The following ELP4 variants were observed in gnomAD, a reference collection of about 807,000 sequenced individuals.
ELP4 encodes elongator acetyltransferase complex subunit 4, also known as elongator complex protein 4.
Under a neutral mutation model 48.9 loss-of-function variants are expected in ELP4, and 51 were observed. The observed-to-expected ratio is 1.04, with a 90% CI of 0.83 to 1.32. The LOEUF is 1.32. Among genes scored for constraint, ELP4 ranks in the 40% most tolerant of loss-of-function variants. The pLI is 0.00. For missense variants in ELP4, 519 were observed against 514.6 expected (o/e 1.01, Z -0.08); for synonymous variants, 210 against 189.2 (o/e 1.11, Z -0.90).
chr11:31,669,520 C>T (rs907679274), intron 9 of ELP4, among the ~76,000 whole-genome samples: 1 of 152,132 alleles, frequency 6.6e-6, no homozygotes, highest in African/African-American at 2.4e-5. Flanking sequence ...GATAGCCTAC[C>T]TCTGTGCTCC....
intron 9 of ELP4, among the ~76,000 whole-genome samples, chr11:31,695,824 G>A (rs180864526): frequency 0.92 from 106,072 of 114,722 alleles, 49,730 homozygotes; most frequent in Non-Finnish European, 1. Context: ...GTAAGCTATT[G>A]ATTATTGCCT....
chr11:31,520,889 T>C (rs1283728887), intron 2 of ELP4, among the ~76,000 whole-genome samples: 2 of 152,096 alleles, frequency 1.3e-5, no homozygotes, highest in Non-Finnish European at 2.9e-5. Flanking sequence ...CACCTTCTAG[T>C]CTGGCATTCA....
chr11:31,608,656 G>A (rs1487049957), intron 5 of ELP4, among the ~76,000 whole-genome samples: 2 of 151,920 alleles, frequency 1.3e-5, no homozygotes, highest in Admixed American at 1.3e-4. Flanking sequence ...CGGTGGGCAG[G>A]AAGAGGTGAT....
intron 9 of ELP4, among the ~76,000 whole-genome samples, chr11:31,746,307 A>G (rs1430684253): frequency 6.6e-6 from 1 of 152,216 alleles, no homozygotes; most frequent in Non-Finnish European, 1.5e-5. Context: ...AAACTAGTTC[A>G]ACCATTGTGG....
chr11:31,551,757 C>A (rs1416041733), intron 3 of ELP4, among the ~76,000 whole-genome samples: 1 of 152,110 alleles, frequency 6.6e-6, no homozygotes, highest in Non-Finnish European at 1.5e-5. Flanking sequence ...TTAGTAAATT[C>A]ATGTTCAAGT....
chr11:31,511,190 C>T (rs1955995422), intron 1 of ELP4: 1 of 152,116 alleles, frequency 6.6e-6, no homozygotes, highest in Non-Finnish European at 1.5e-5. Context: ...TCCTGAGTTG[C>T]ATGGTACTGT....
rs1592351883 is a variant in ELP4, at chr11:31,790,091, G to A, written c.*6567G>A. 13 of 177,760 alleles carry A rather than the reference G, an allele frequency of 7.3e-5. No individual in the cohort carries two copies. The highest frequency in any genetic ancestry group is 6.2e-4 in the South Asian group (11 of 17,832). 11.0% of individuals were successfully genotyped at this position (177,760 alleles called of 1,614,324 possible). On this transcript the variant is annotated 3_prime_UTR_variant, in exon 10 of 10. Transcript: ENST00000640961. Reference sequence around the variant, plus strand: ...AACAGACATGGAATACAAATTTATAGGTTTACAAAAAAAAAAAAAAAAAAA... The same window carrying A: ...AACAGACATGGAATACAAATTTATAAGTTTACAAAAAAAAAAAAAAAAAAA...
At chr11:31,720,500 A>G (rs546108963) in intron 9 of ELP4, among the ~76,000 whole-genome samples, 3 of 138,630 alleles carry the variant, frequency 2.2e-5, no homozygotes, top group Non-Finnish European at 4.7e-5. Context: ...TAGTAAGGCC[A>G]AAAAAAAAAT....
Position 31,591,696 on chromosome 11 carries a change from G to C in ELP4, c.382-3074G>C, listed in dbSNP as rs1475204008. Among the ~76,000 whole-genome samples, 3 of 152,218 alleles carry C rather than the reference G, an allele frequency of 2.0e-5. No homozygotes were observed. The East Asian group carries it at 5.8e-4, about 29-fold the overall frequency. On this transcript the variant is annotated intron_variant, in intron 3 of 9. Coordinates refer to ENST00000640961, the MANE Select transcript of ELP4 (RefSeq NM_019040.5). ...GTGCAGCCACTGTAGAAAACATTTTGGCAGTTCCTCAAATAGTTAAAAATG... is the reference window on the plus strand; with the variant it reads ...GTGCAGCCACTGTAGAAAACATTTTCGCAGTTCCTCAAATAGTTAAAAATG...
chr11:31,773,572 C>A (rs1948190172), intron 9 of ELP4, among the ~76,000 whole-genome samples: 1 of 152,180 alleles, frequency 6.6e-6, no homozygotes, highest in Non-Finnish European at 1.5e-5. Context: ...GACACAGAAG[C>A]AGAGGTTTGG....
At position 31,675,489 on chromosome 11, in the gene ELP4, G is replaced by T. The variant is rs1945903777; in HGVS notation, c.1143+25268G>T. Among the ~76,000 whole-genome samples, 7 of 152,176 alleles carry T rather than the reference G, an allele frequency of 4.6e-5. No homozygotes were observed. The South Asian group carries it at 1.5e-3, about 32-fold the overall frequency. On this transcript the variant is annotated intron_variant, in intron 9 of 9. Transcript: ENST00000640961. ...ATGTTGAGGCTGGTCTCGAACTCCTGACCTCAGGTGATCCGCCCGCCTCGG... is the reference window on the plus strand; with the variant it reads ...ATGTTGAGGCTGGTCTCGAACTCCTTACCTCAGGTGATCCGCCCGCCTCGG...
At chr11:31,616,228 G>T (rs151272640) in intron 5 of ELP4, among the ~76,000 whole-genome samples, 13 of 151,946 alleles carry the variant, frequency 8.6e-5, no homozygotes, top group African/African-American at 2.9e-4. Context: ...TAAAAATTGC[G>T]TATAAGGACA....
At chr11:31,589,176 G>A (rs1286082894) in intron 3 of ELP4, among the ~76,000 whole-genome samples, 1 of 152,072 alleles carries the variant, frequency 6.6e-6, no homozygotes, top group Non-Finnish European at 1.5e-5. Context: ...GATTGTTCCA[G>A]GAAGTTTCTG....
At chr11:31,579,390 A>G (rs577658213) in intron 3 of ELP4, among the ~76,000 whole-genome samples, 1 of 152,182 alleles carries the variant, frequency 6.6e-6, no homozygotes. Flanking sequence ...TTCCTCAAGG[A>G]TCTAGAACTA....
At chr11:31,580,731 C>T (rs1222627885) in intron 3 of ELP4, 1 of 153,038 alleles carries the variant, frequency 6.5e-6, no homozygotes, top group Non-Finnish European at 1.5e-5. Context: ...AGTCTTGGCT[C>T]ACTGCAGCCC....
chr11:31,666,483 G>A (rs1175890692), intron 9 of ELP4, among the ~76,000 whole-genome samples: 2 of 152,064 alleles, frequency 1.3e-5, no homozygotes, highest in African/African-American at 4.8e-5. Context: ...CATGAGGTCA[G>A]GAGATCGAGA....
intron 9 of ELP4, among the ~76,000 whole-genome samples, chr11:31,671,929 C>G (rs1347618189): frequency 6.6e-6 from 1 of 152,196 alleles, no homozygotes; most frequent in East Asian, 1.9e-4. Flanking sequence ...GGTCATCAAG[C>G]TCCAGGTCTG....
intron 9 of ELP4, chr11:31,650,685 C>G (rs532312596): frequency 2.6e-5 from 4 of 152,170 alleles, no homozygotes; most frequent in African/African-American, 7.2e-5. Context: ...ATAATTTACA[C>G]TAGTGTCTTT....
chr11:31,643,917 T>C (rs1945149612), intron 7 of ELP4, among the ~76,000 whole-genome samples: 1 of 151,858 alleles, frequency 6.6e-6, no homozygotes, highest in Non-Finnish European at 1.5e-5. Flanking sequence ...ATTTGACATA[T>C]TTTAAATTTA....
Sources: gnomAD v4.1 joint callset for allele counts (sites outside exome capture counted in the v4.1 genomes callset) on GRCh38, gnomAD v4.1.1 for gene constraint, MANE v1.5 for transcripts, NCBI Gene and HGNC (gene_info 2026-07-23, HGNC 2026-07-21) for gene names.